Variants in HHAT observed in about 807,000 individuals in gnomAD.
HHAT encodes protein-cysteine N-palmitoyltransferase HHAT.
A neutral mutation model predicts 70.8 loss-of-function variants in HHAT; 47 were observed. The ratio of observed to expected loss-of-function variants is 0.66; its 90% CI spans 0.53 to 0.85. The LOEUF (loss-of-function observed/expected upper bound fraction) is 0.85. Ranked by LOEUF, HHAT falls within the 40% of genes least tolerant of loss-of-function variation. The pLI is 0.00. For synonymous variants in HHAT, 228 were observed against 247.6 expected (o/e 0.92, Z 0.74); for missense variants, 609 against 604.8 (o/e 1.01, Z -0.07).
chr1:210,396,456 T>A (rs1438904148), intron 4 of HHAT, among the ~76,000 whole-genome samples: 8 of 152,246 alleles, frequency 5.3e-5, no homozygotes, highest in African/African-American at 1.9e-4. Flanking sequence ...CTGGCAAGGA[T>A]GTGAATAAAC....
intron 3 of HHAT, among the ~76,000 whole-genome samples, chr1:210,372,389 C>A (rs920644718): frequency 1.3e-5 from 2 of 152,136 alleles, no homozygotes; most frequent in Non-Finnish European, 2.9e-5. Context: ...AAATAAAGTT[C>A]TTTGGTTTTA....
chr1:210,589,675 T>A (rs1439602282), intron 10 of HHAT: 1 of 152,236 alleles, frequency 6.6e-6, no homozygotes, highest in Non-Finnish European at 1.5e-5. Flanking sequence ...ATGCTAGTAA[T>A]AATTTTAGAA....
intron 7 of HHAT, among the ~76,000 whole-genome samples, chr1:210,427,221 TTAGTC>T (rs2093090872): frequency 1.3e-5 from 2 of 152,186 alleles, no homozygotes; most frequent in African/African-American, 4.8e-5. Flanking sequence ...TCTCTCTTTA[TTAGTC>T]TAGTTAGTGG....
At chr1:210,634,299 G>C (rs1047476307) in intron 11 of HHAT, among the ~76,000 whole-genome samples, 3 of 152,184 alleles carry the variant, frequency 2.0e-5, no homozygotes, top group African/African-American at 7.2e-5. Context: ...GATGACAAGG[G>C]AATGTGGATT....
At chr1:210,656,063 G>C (rs1437577312) in intron 11 of HHAT, among the ~76,000 whole-genome samples, 1 of 152,122 alleles carries the variant, frequency 6.6e-6, no homozygotes, top group Non-Finnish European at 1.5e-5. Context: ...TCTGTTCGGA[G>C]GCTCTAAATG....
chr1:210,383,971 G>A (rs1049981422), intron 3 of HHAT, among the ~76,000 whole-genome samples: 3 of 152,092 alleles, frequency 2.0e-5, no homozygotes, highest in Non-Finnish European at 2.9e-5. Flanking sequence ...TTCATTGTGG[G>A]GTGTGGTGGT....
At chr1:210,665,288 G>C (rs930266758) in intron 11 of HHAT, among the ~76,000 whole-genome samples, 2 of 152,192 alleles carry the variant, frequency 1.3e-5, no homozygotes, top group Admixed American at 1.3e-4. Context: ...TGCAGACGTA[G>C]GCTTTGACCA....
Position 210,464,586 on chromosome 1 carries a change from T to A in HHAT, c.938T>A (p.Leu313Gln). The A allele has an allele frequency of 1.2e-6, 2 of 1,614,188 alleles. No homozygotes were observed. Among genetic ancestry groups the A allele is most frequent in the Non-Finnish European group, 8.5e-7 (1 of 1,180,018 alleles). The change falls in exon 8 of 12, where the codon CTG becomes CAG. Residue 313 changes from leucine (L) to glutamine (Q), a missense_variant. Leu to Gln is a moderately radical substitution (Grantham distance 113). Coordinates refer to ENST00000261458, the MANE Select transcript of HHAT (RefSeq NM_018194.6). Reference protein sequence around the residue: ...LFGVPALLMRLDGLTPPALPR... With the variant: ...LFGVPALLMRQDGLTPPALPR... ...GGCGTGCCTGCTCTGCTCATGCGCC[T>A]GGATGGACTCACTCCACCCGCCCTC... is the stretch of plus-strand genomic sequence containing the variant.
intron 1 of HHAT, among the ~76,000 whole-genome samples, chr1:210,336,594 G>A (rs1339837954): frequency 1.3e-5 from 2 of 151,872 alleles, no homozygotes; most frequent in African/African-American, 4.8e-5. Context: ...GATCAGCCTG[G>A]CCAACATAGC....
chr1:210,613,206 C>T (rs963911836), intron 10 of HHAT, among the ~76,000 whole-genome samples: 2 of 152,062 alleles, frequency 1.3e-5, no homozygotes, highest in African/African-American at 4.8e-5. Flanking sequence ...ATGAAGGTCT[C>T]CCCCTGTTTT....
At chr1:210,384,891 C>T (rs2090922519) in intron 3 of HHAT, among the ~76,000 whole-genome samples, 1 of 152,190 alleles carries the variant, frequency 6.6e-6, no homozygotes, top group Admixed American at 6.5e-5. Flanking sequence ...ATCATCTTGA[C>T]CTATTCATTG....
chr1:210,410,478 A>ATG (rs1391728231), intron 6 of HHAT, among the ~76,000 whole-genome samples: 1 of 150,836 alleles, frequency 6.6e-6, no homozygotes, highest in Non-Finnish European at 1.5e-5. Context: ...AGCAAATAGA[A>ATG]TGAAAGTTGG....
At chr1:210,613,855 A>G (rs1156429608) in intron 10 of HHAT, among the ~76,000 whole-genome samples, 2 of 151,254 alleles carry the variant, frequency 1.3e-5, no homozygotes, top group African/African-American at 4.9e-5. Flanking sequence ...TTGACTCTAC[A>G]AAAAAAAGCA....
At chr1:210,651,875 G>T (rs1342457817) in intron 11 of HHAT, among the ~76,000 whole-genome samples, 1 of 152,214 alleles carries the variant, frequency 6.6e-6, no homozygotes, top group Non-Finnish European at 1.5e-5. Context: ...TTGTCAGTAA[G>T]GGCAACCCAG....
chr1:210,412,974 G>A (rs192989301), intron 6 of HHAT, among the ~76,000 whole-genome samples: 121 of 152,346 alleles, frequency 7.9e-4, no homozygotes, highest in East Asian at 1.7e-3. Flanking sequence ...GTGTGGTGAC[G>A]GGGAGTGGGG....
chr1:210,526,057 G>T (rs2095240467), intron 9 of HHAT, among the ~76,000 whole-genome samples: 1 of 152,176 alleles, frequency 6.6e-6, no homozygotes, highest in African/African-American at 2.4e-5. Flanking sequence ...TCGTGCCTGA[G>T]ATTAGATTCC....
intron 9 of HHAT, among the ~76,000 whole-genome samples, chr1:210,547,284 C>A (rs2148674124): frequency 6.6e-6 from 1 of 152,282 alleles, no homozygotes; most frequent in African/African-American, 2.4e-5. Context: ...TGAGATCGTG[C>A]CATTGCACTC....
intron 10 of HHAT, among the ~76,000 whole-genome samples, chr1:210,610,544 C>G (rs1666372945): frequency 6.6e-6 from 1 of 152,064 alleles, no homozygotes; most frequent in Non-Finnish European, 1.5e-5. Context: ...TCAATTTTTG[C>G]TTTCGTTGCA....
At chr1:210,369,401 C>T (rs1310581907) in intron 3 of HHAT, among the ~76,000 whole-genome samples, 1 of 152,196 alleles carries the variant, frequency 6.6e-6, no homozygotes, top group East Asian at 1.9e-4. Context: ...ATACGAATGA[C>T]TATGAACATA....
Sources: gnomAD v4.1 joint callset for allele counts (sites outside exome capture counted in the v4.1 genomes callset) on GRCh38, gnomAD v4.1.1 for gene constraint, MANE v1.5 for transcripts, NCBI Gene and HGNC (gene_info 2026-07-23, HGNC 2026-07-21) for gene names.